Variants in CNTNAP2 observed in about 807,000 individuals in gnomAD.
The protein encoded by CNTNAP2 is contactin associated protein 2.
A neutral mutation model predicts 155.2 loss-of-function variants in CNTNAP2; 98 were observed. The observed-to-expected ratio is 0.63, with a 90% CI of 0.54 to 0.75. The LOEUF is 0.75. CNTNAP2 is among the 30% of genes least tolerant of loss of function. The probability of loss-of-function intolerance (pLI) is 0.00; values close to 1 mark genes in which losing one functional copy is unlikely to be tolerated. For missense variants in CNTNAP2, 1,727 were observed against 1,688.1 expected (o/e 1.02, Z -0.40); for synonymous variants, 651 against 631.2 (o/e 1.03, Z -0.47).
intron 21 of CNTNAP2, among the ~76,000 whole-genome samples, chr7:148,289,930 A>T (rs1279528351): frequency 6.6e-6 from 1 of 152,236 alleles, no homozygotes; most frequent in Non-Finnish European, 1.5e-5. Context: ...TTTTGCAATG[A>T]CAAAAATAAC....
At chr7:147,053,936 AC>A (rs1799514897) in intron 4 of CNTNAP2, among the ~76,000 whole-genome samples, 1 of 152,128 alleles carries the variant, frequency 6.6e-6, no homozygotes, top group Admixed American at 6.6e-5. Flanking sequence ...TTCCCAAGAG[AC>A]CATCCAGCCC....
At chr7:146,473,272 G>A (rs1796826431) in intron 1 of CNTNAP2, among the ~76,000 whole-genome samples, 5 of 152,094 alleles carry the variant, frequency 3.3e-5, no homozygotes, top group Admixed American at 3.3e-4. Flanking sequence ...AGAGGTCACT[G>A]GGTAATGAGT....
intron 1 of CNTNAP2, among the ~76,000 whole-genome samples, chr7:146,201,639 AGTGTGTGT>A (rs57595774): frequency 1.9e-3 from 272 of 146,872 alleles, no homozygotes; most frequent in Middle Eastern, 6.9e-3. Context: ...ATGTCCCACG[AGTGTGTGT>A]GTGTGTGTGT....
intron 4 of CNTNAP2, among the ~76,000 whole-genome samples, chr7:147,082,354 A>G (rs1356342766): frequency 6.6e-6 from 1 of 152,130 alleles, no homozygotes; most frequent in African/African-American, 2.4e-5. Context: ...TTTGTTTATA[A>G]GGGCTTACTT....
chr7:147,271,324 C>T (rs913390058), intron 8 of CNTNAP2, among the ~76,000 whole-genome samples: 2 of 152,048 alleles, frequency 1.3e-5, no homozygotes, highest in Non-Finnish European at 2.9e-5. Context: ...TTCAAGCAAC[C>T]TCTAAAATGT....
At chr7:148,370,940 A>G (rs571543763) in intron 21 of CNTNAP2, among the ~76,000 whole-genome samples, 215 of 152,244 alleles carry the variant, frequency 1.4e-3, no homozygotes, top group African/African-American at 4.9e-3. Context: ...AGTCTGCTTC[A>G]CATGACACCG....
chr7:146,985,306 G>GA (rs752668447), intron 3 of CNTNAP2, among the ~76,000 whole-genome samples: 47 of 130,564 alleles, frequency 3.6e-4, no homozygotes, highest in South Asian at 1.5e-3. Context: ...GAAAATGCTT[G>GA]AATTTTTTTT....
chr7:147,295,585 T>C (rs996954856), intron 8 of CNTNAP2, among the ~76,000 whole-genome samples: 1 of 152,188 alleles, frequency 6.6e-6, no homozygotes, highest in African/African-American at 2.4e-5. Context: ...TAGAACTTTA[T>C]ACTATATATG....
rs548037072 is a variant in CNTNAP2 at position 146,969,883 on chromosome 7, C to A, written c.403-74024C>A. On this transcript the variant is annotated intron_variant, in intron 3 of 23. Transcript: ENST00000361727. ...AGAGATATAGATCAATGGAACAGAA[C>A]AGAGCCCTCAGAAATAATGCCGCAT... Among the ~76,000 whole-genome samples, 325 of 152,166 alleles carry A rather than the reference C, an allele frequency of 2.1e-3. 2 individuals are homozygous for A. Among genetic ancestry groups the A allele is most frequent in the Admixed American group, 3.0e-3 (46 of 15,272 alleles).
At chr7:147,060,566 CA>C (rs1015379384) in intron 4 of CNTNAP2, among the ~76,000 whole-genome samples, 1 of 151,436 alleles carries the variant, frequency 6.6e-6, no homozygotes, top group Non-Finnish European at 1.5e-5. Flanking sequence ...ACTAAAAGTA[CA>C]AAAAAAATAT....
At chr7:147,855,785 T>C (rs1428084535) in intron 13 of CNTNAP2, among the ~76,000 whole-genome samples, 1 of 152,182 alleles carries the variant, frequency 6.6e-6, no homozygotes, top group Non-Finnish European at 1.5e-5. Context: ...AGATGAAACA[T>C]CTACTAATGC....
At chr7:146,708,567 T>C (rs1367942735) in intron 1 of CNTNAP2, among the ~76,000 whole-genome samples, 2 of 130,458 alleles carry the variant, frequency 1.5e-5, no homozygotes, top group African/African-American at 7.8e-5. Flanking sequence ...CGGGCTCTGT[T>C]TAAGAAAAAA....
At chr7:147,283,277 C>T (rs12531705) in intron 8 of CNTNAP2, among the ~76,000 whole-genome samples, 65,217 of 151,416 alleles carry the variant, frequency 0.43, 14,920 homozygotes, top group East Asian at 0.76. Flanking sequence ...TTGACATATA[C>T]ATATGGAAAA....
At chr7:148,113,944 A>G (rs937332447) in intron 15 of CNTNAP2, among the ~76,000 whole-genome samples, 8 of 152,014 alleles carry the variant, frequency 5.3e-5, no homozygotes, top group Non-Finnish European at 2.9e-5. Flanking sequence ...CATCTTTCAT[A>G]TCTTCCCTCT....
intron 8 of CNTNAP2, among the ~76,000 whole-genome samples, chr7:147,267,864 A>G (rs534491439): frequency 1.3e-5 from 2 of 152,300 alleles, no homozygotes; most frequent in African/African-American, 4.8e-5. Context: ...CCTCAGTTCT[A>G]ACTATTGAGA....
At chr7:148,189,008 A>G (rs1795163147) in intron 18 of CNTNAP2, among the ~76,000 whole-genome samples, 1 of 152,166 alleles carries the variant, frequency 6.6e-6, no homozygotes, top group Non-Finnish European at 1.5e-5. Flanking sequence ...GCATTTCAAT[A>G]TTTTACATTA....
At chr7:147,078,726 A>G (rs936315221) in intron 4 of CNTNAP2, among the ~76,000 whole-genome samples, 3 of 151,088 alleles carry the variant, frequency 2.0e-5, no homozygotes, top group Admixed American at 1.3e-4. Flanking sequence ...TCTAATATTG[A>G]ATTTTTCTTC....
At chr7:147,684,334 A>T (rs1795989747) in intron 13 of CNTNAP2, among the ~76,000 whole-genome samples, 1 of 151,814 alleles carries the variant, frequency 6.6e-6, no homozygotes, top group Admixed American at 6.6e-5. Flanking sequence ...ATGGATTTTA[A>T]ACACACTGAA....
At chr7:147,201,381 A>G (rs999503842) in intron 8 of CNTNAP2, among the ~76,000 whole-genome samples, 13 of 152,212 alleles carry the variant, frequency 8.5e-5, no homozygotes, top group Admixed American at 5.9e-4. Context: ...GAAGGCGTGA[A>G]TGTCTCATTA....
Sources: gnomAD v4.1 joint callset for allele counts (sites outside exome capture counted in the v4.1 genomes callset) on GRCh38, gnomAD v4.1.1 for gene constraint, MANE v1.5 for transcripts, NCBI Gene and HGNC (gene_info 2026-07-23, HGNC 2026-07-21) for gene names.